The following CSMD3 variants were observed in gnomAD, a reference collection of about 807,000 sequenced individuals.
The protein encoded by CSMD3 is CUB and sushi domain-containing protein 3.
In CSMD3, 177 loss-of-function variants were observed where a neutral mutation model predicts 435.2. The observed-to-expected ratio is 0.41, with a 90% CI of 0.36 to 0.46. The LOEUF (loss-of-function observed/expected upper bound fraction) is 0.46. CSMD3 is among the 20% of genes least tolerant of loss of function. The pLI is 0.34. For synonymous variants in CSMD3, 1,656 were observed against 1,520.5 expected (o/e 1.09, Z -2.07); for missense variants, 4,265 against 4,504.6 (o/e 0.95, Z 1.52).
At chr8:113,229,673 T>C (rs965498343) in intron 3 of CSMD3, among the ~76,000 whole-genome samples, 2 of 151,576 alleles carry the variant, frequency 1.3e-5, no homozygotes, top group Admixed American at 1.3e-4. Flanking sequence ...ACAAATATAA[T>C]GCTGACATAG....
At chr8:113,400,840 A>G (rs1381965395) in intron 1 of CSMD3, among the ~76,000 whole-genome samples, 9 of 151,872 alleles carry the variant, frequency 5.9e-5, no homozygotes, top group Non-Finnish European at 1.0e-4. Flanking sequence ...TATATCCTGA[A>G]AATTGGGTAG....
chr8:113,382,613 G>T (rs1396711206), intron 1 of CSMD3, among the ~76,000 whole-genome samples: 1 of 152,144 alleles, frequency 6.6e-6, no homozygotes, highest in African/African-American at 2.4e-5. Flanking sequence ...AATCCTGTGA[G>T]TCTATATTAG....
chr8:112,481,202 GA>G (rs1819594275), intron 31 of CSMD3, among the ~76,000 whole-genome samples: 3 of 152,070 alleles, frequency 2.0e-5, no homozygotes, highest in African/African-American at 7.2e-5. Flanking sequence ...AATAGAAGAA[GA>G]AAAGAAGAAG....
chr8:112,515,353 C>T (rs1465241031), intron 28 of CSMD3, among the ~76,000 whole-genome samples: 1 of 151,998 alleles, frequency 6.6e-6, no homozygotes, highest in African/African-American at 2.4e-5. Flanking sequence ...ATATGCTCTT[C>T]ATGAGATATG....
intron 27 of CSMD3, among the ~76,000 whole-genome samples, chr8:112,535,019 T>C (rs1366792225): frequency 6.6e-6 from 1 of 152,154 alleles, no homozygotes; most frequent in East Asian, 1.9e-4. Flanking sequence ...TAGGTATTGA[T>C]GGGACATATC....
At chr8:113,337,003 G>A (rs905281816) in intron 1 of CSMD3, among the ~76,000 whole-genome samples, 2 of 152,086 alleles carry the variant, frequency 1.3e-5, no homozygotes, top group Non-Finnish European at 2.9e-5. Context: ...TGTTTGGCTG[G>A]TATAGGACAT....
intron 58 of CSMD3, among the ~76,000 whole-genome samples, chr8:112,284,064 T>C (rs1818930993): frequency 6.6e-6 from 1 of 151,832 alleles, no homozygotes; most frequent in African/African-American, 2.4e-5. Context: ...AAAATTTAAC[T>C]TGTTTGAAAT....
chr8:113,334,296 C>T (rs201669082), intron 1 of CSMD3, among the ~76,000 whole-genome samples: 4,438 of 18,452 alleles, frequency 0.24, 280 homozygotes, highest in East Asian at 0.44. Context: ...TTTTTTTTTT[C>T]ATTTCCAGCC....
intron 2 of CSMD3, among the ~76,000 whole-genome samples, chr8:113,296,414 G>A (rs1409949270): frequency 6.6e-6 from 1 of 151,818 alleles, no homozygotes; most frequent in Non-Finnish European, 1.5e-5. Flanking sequence ...AGCTACTCAG[G>A]AAGCTAACAC....
At chr8:112,542,714 A>T (rs1826792786) in intron 27 of CSMD3, among the ~76,000 whole-genome samples, 1 of 152,124 alleles carries the variant, frequency 6.6e-6, no homozygotes, top group Non-Finnish European at 1.5e-5. Flanking sequence ...TAGAAAAAAA[A>T]ATTTCTACTA....
In CSMD3 at chr8:112,305,967, A is replaced by T. The variant is rs113028869; in HGVS notation, c.8071+40T>A. 8.4e-6 allele frequency: 13 copies of T among 1,538,898 alleles called. No individual in the cohort carries two copies. In the South Asian group the frequency reaches 1.0e-4, roughly 12 times the overall value. ...TAAAATTTCAGGTATATAAAATACCAAGAGAAAAACAAGTGATGAAATTCC... is the reference window on the plus strand; with the variant it reads ...TAAAATTTCAGGTATATAAAATACCTAGAGAAAAACAAGTGATGAAATTCC... On this transcript the variant is annotated intron_variant, in intron 51 of 70. Coordinates refer to ENST00000297405, the MANE Select transcript of CSMD3 (RefSeq NM_198123.2).
In CSMD3 at chr8:113,120,000, T is replaced by C. The variant is rs555117919; in HGVS notation, c.710-21037A>G. Among the ~76,000 whole-genome samples the C allele has an allele frequency of 5.3e-5, 8 of 152,102 alleles. No individual in the cohort carries two copies. The East Asian group carries it at 1.5e-3, about 29-fold the overall frequency. ...ATCCAAGCTCAATATTCATACTCAT[T>C]ACACAAATAAAAAAAATTTTCCTAA... On this transcript the variant is annotated intron_variant, in intron 4 of 70. Coordinates refer to ENST00000297405, the MANE Select transcript of CSMD3 (RefSeq NM_198123.2).
At chr8:112,375,571 A>T in intron 38 of CSMD3, among the ~76,000 whole-genome samples, 1 of 152,100 alleles carries the variant, frequency 6.6e-6, no homozygotes, top group African/African-American at 2.4e-5. Flanking sequence ...GATATAGCTC[A>T]ATTTTTCTCA....
chr8:113,308,426 G>A (rs2093840333), intron 2 of CSMD3, among the ~76,000 whole-genome samples: 2 of 151,364 alleles, frequency 1.3e-5, no homozygotes, highest in East Asian at 2.0e-4. Flanking sequence ...CCAACACCAC[G>A]CCCGGCTGAT....
intron 13 of CSMD3, among the ~76,000 whole-genome samples, chr8:112,770,441 G>A (rs1375600508): frequency 2.0e-5 from 3 of 151,964 alleles, no homozygotes; most frequent in Non-Finnish European, 4.4e-5. Flanking sequence ...ACCTACCAAT[G>A]CCTTGGTTAG....
At chr8:112,864,227 T>A (rs2080910633) in intron 10 of CSMD3, among the ~76,000 whole-genome samples, 1 of 150,816 alleles carries the variant, frequency 6.6e-6, no homozygotes, top group Admixed American at 6.6e-5. Context: ...GTTTCTTTCT[T>A]TTTTTTGTTT....
chr8:112,809,456 G>A (rs568330796), intron 12 of CSMD3, among the ~76,000 whole-genome samples: 168 of 152,274 alleles, frequency 1.1e-3, no homozygotes, highest in Non-Finnish European at 1.9e-3. Context: ...TTCTAGATAA[G>A]TAATTTTGGC....
intron 13 of CSMD3, among the ~76,000 whole-genome samples, chr8:112,698,699 A>G (rs2076314256): frequency 6.6e-6 from 1 of 152,190 alleles, no homozygotes; most frequent in Admixed American, 6.5e-5. Flanking sequence ...AGTACAACAC[A>G]TTGAATAAAA....
chr8:112,946,087 A>T (rs2083602145), intron 9 of CSMD3, among the ~76,000 whole-genome samples: 1 of 151,808 alleles, frequency 6.6e-6, no homozygotes, highest in South Asian at 2.1e-4. Flanking sequence ...TATTACTATC[A>T]CATTATATTA....
Sources: gnomAD v4.1 joint callset for allele counts (sites outside exome capture counted in the v4.1 genomes callset) on GRCh38, gnomAD v4.1.1 for gene constraint, MANE v1.5 for transcripts, NCBI Gene and HGNC (gene_info 2026-07-23, HGNC 2026-07-21) for gene names.